CENPN: variants seen among roughly 807,000 people sequenced by gnomAD.
CENPN encodes the protein centromere protein N, also known as interphase centromere complex protein 32.
In CENPN, 36 loss-of-function variants were observed where a neutral mutation model predicts 48.6. The ratio of observed to expected loss-of-function variants is 0.74; its 90% CI spans 0.57 to 0.98. The LOEUF is 0.98. Ranked by LOEUF, CENPN falls within the 50% of genes least tolerant of loss-of-function variation. CENPN has a pLI of 0.00. For missense variants in CENPN, 439 were observed against 399.2 expected, an observed-to-expected ratio of 1.10 and a Z score of -0.85; for synonymous variants, 166 against 135.2, an observed-to-expected ratio of 1.23 and a Z score of -1.58.
At chr16:81,017,894 A>G in intron 5 of CENPN, 60 bp downstream of exon 5, 1 of 972,240 alleles carries the variant, frequency 1.0e-6, no homozygotes, top group Non-Finnish European at 1.6e-6. Context: ...TGCACTTAAA[A>G]TTTGCTACTA....
chr16:81,028,578 A>G lies in CENPN; in HGVS notation c.947A>G (p.Asp316Gly), dbSNP rs1480761768. ...LKSLAPAGIA[D>G]APLSPLLTCI... ...TTTTTTTTAATTTCAGGTATTGCAGATGCTCCACTTTCTCCACTGCTCACT... is the reference window on the plus strand; with the variant it reads ...TTTTTTTTAATTTCAGGTATTGCAGGTGCTCCACTTTCTCCACTGCTCACT... The change falls in exon 11 of 11, where the codon GAT becomes GGT. Residue 316 changes from aspartate (D) to glycine (G), a missense_variant. Asp to Gly is a moderately conservative substitution (Grantham distance 94, BLOSUM62 -1). Transcript: ENST00000305850. The G allele has an allele frequency of 5.0e-6, 8 of 1,600,886 alleles. No individual in the cohort carries two copies. The highest frequency in any genetic ancestry group is 6.0e-6 in the Non-Finnish European group (7 of 1,173,540).
chr16:81,024,703 T>C lies in CENPN; in HGVS notation c.634-12T>C, dbSNP rs1970382151. 1.3e-6 allele frequency: 2 copies of C among 1,587,784 alleles called. No homozygotes were observed. The highest frequency in any genetic ancestry group is 2.3e-5 in the South Asian group (2 of 87,468). On this transcript the variant is annotated splice_polypyrimidine_tract_variant and intron_variant, in intron 7 of 10. Transcript: ENST00000305850. The stretch of plus-strand genomic sequence containing the variant: ...GTCAAGATTAGTAAAATATTCACTT[T>C]TTTTTCCCTAGACCTTTGAAACTCA...
At chr16:81,025,504 A>T (rs914882338) in intron 8 of CENPN, among the ~76,000 whole-genome samples, 2 of 151,444 alleles carry the variant, frequency 1.3e-5, no homozygotes, top group Admixed American at 1.3e-4. Context: ...TGTTGATCTC[A>T]TCTTAGGTAA....
chr16:81,032,838 C>G (rs539039685), downstream of CENPN: 58 of 885,666 alleles, frequency 6.5e-5, 1 homozygote, highest in South Asian at 8.0e-4. Flanking sequence ...ATCTTGGAAG[C>G]TTGGATGTGC....
rs760588351 is a variant in CENPN at position 81,020,203 on chromosome 16, T to C, written c.458T>C (p.Val153Ala). ...KPNQYKPTYV[V>A]YYSQTPYAFT... ...AACCAGTACAAACCTACCTACGTGG[T>C]GTACTACTCCCAGACTCCGTACGCC... is the stretch of plus-strand genomic sequence containing the variant. The change falls in exon 6 of 11, where the codon GTG becomes GCG. Residue 153 changes from valine to alanine, a missense_variant. Transcript: ENST00000305850. The C allele has an allele frequency of 8.1e-6, 13 of 1,614,016 alleles. No individual in the cohort carries two copies. The highest frequency in any genetic ancestry group is 1.0e-5 in the Non-Finnish European group (12 of 1,180,008).
At chr16:81,025,238 G>C (rs867597615) in intron 8 of CENPN, among the ~76,000 whole-genome samples, 1 of 152,144 alleles carries the variant, frequency 6.6e-6, no homozygotes, top group Non-Finnish European at 1.5e-5. Flanking sequence ...CTCTTAATGC[G>C]CTGGATAAAC....
At chr16:81,032,745 T>A, downstream of CENPN, 1 of 1,555,966 alleles carries the variant, frequency 6.4e-7, no homozygotes, top group Non-Finnish European at 8.8e-7. Context: ...CAAATGTATG[T>A]CTCTCCTGAT....
At chr16:81,026,069 A>G (rs3112033) in intron 8 of CENPN, among the ~76,000 whole-genome samples, 113,601 of 136,798 alleles carry the variant, frequency 0.83, 47,196 homozygotes, top group Middle Eastern at 0.91. Context: ...ATATATATAT[A>G]TGTGTGTGTG....
intron 8 of CENPN, 33 bp downstream of exon 8, chr16:81,024,811 G>C (rs375476619): frequency 1.7e-4 from 229 of 1,347,820 alleles, no homozygotes; most frequent in Non-Finnish European, 2.2e-4. Flanking sequence ...CTGAATTTTG[G>C]AAATGCATCA....
At chr16:81,025,344 A>C (rs563005605) in intron 8 of CENPN, among the ~76,000 whole-genome samples, 6 of 152,364 alleles carry the variant, frequency 3.9e-5, no homozygotes, top group African/African-American at 1.4e-4. Flanking sequence ...GAACTACTAA[A>C]GTAAATTTAC....
rs371948167 is a variant in CENPN at position 81,029,893 on chromosome 16, T to G, written c.*1242T>G. ...TTCTCATGCTGCTAATAAAGATACC[T>G]AAGACTGGGTAATTCACAAAGGAAA... is the stretch of plus-strand genomic sequence containing the variant. On this transcript the variant is annotated 3_prime_UTR_variant, in exon 11 of 11. Coordinates refer to ENST00000305850, the MANE Select transcript of CENPN (RefSeq NM_001100624.3). Among the ~76,000 whole-genome samples, 3 of 152,282 alleles carry G rather than the reference T, an allele frequency of 2.0e-5. No individual in the cohort carries two copies. The South Asian group carries it at 6.2e-4, about 32-fold the overall frequency.
rs558476841 is a variant in CENPN at position 81,026,069 on chromosome 16, A to ATATG, written c.698-456_698-455insATGT. 9.4e-3 allele frequency among the ~76,000 whole-genome samples: 1,280 copies of ATATG among 136,682 alleles called. 24 individuals carry two copies. The highest frequency in any genetic ancestry group is 0.054 in the East Asian group (254 of 4,746). The allele number at this position is 136,682 out of a possible 152,430, so 89.7% of individuals were successfully genotyped here. ...GCCATGGAGATATATATATATATAT[A>ATATG]TGTGTGTGTGTGTGTGTGTGTATAT... On this transcript the variant is annotated intron_variant, in intron 8 of 10. Transcript: ENST00000305850.
At position 81,029,186 on chromosome 16, in the gene CENPN, G is replaced by T. The variant is rs117167180; in HGVS notation, c.*535G>T. 1.9e-4 allele frequency: 184 copies of T among 972,874 alleles called. No individual in the cohort carries two copies. In the East Asian group the frequency reaches 0.017, roughly 89 times the overall value. 60.3% of individuals were successfully genotyped at this position (972,874 alleles called of 1,614,324 possible). A position where few individuals can be genotyped will look rare whatever the true frequency, so the allele number is the denominator to read the frequency against. Reference sequence around the variant, plus strand: ...ATTGTTGCAAGAGGTTGCATATTTGGTGAGTCAGTTATATAAAATAGTGTT... The same window carrying T: ...ATTGTTGCAAGAGGTTGCATATTTGTTGAGTCAGTTATATAAAATAGTGTT... On this transcript the variant is annotated 3_prime_UTR_variant, in exon 11 of 11. Coordinates refer to ENST00000305850, the MANE Select transcript of CENPN (RefSeq NM_001100624.3).
intron 2 of CENPN, among the ~76,000 whole-genome samples, chr16:81,012,336 A>G (rs1443528852): frequency 1.3e-5 from 2 of 152,154 alleles, no homozygotes; most frequent in African/African-American, 4.8e-5. Context: ...ATATAGTAGA[A>G]AAAACAGTAC....
chr16:81,025,546 A>T (rs1340904989), intron 8 of CENPN, among the ~76,000 whole-genome samples: 4 of 152,102 alleles, frequency 2.6e-5, no homozygotes, highest in Admixed American at 6.6e-5. Context: ...TGTGTATCTT[A>T]CGATTCCAGT....
In CENPN at chr16:81,014,380, G is replaced by C. The variant is rs1207598245; in HGVS notation, c.217+199G>C. 2.3e-5 allele frequency: 13 copies of C among 558,336 alleles called. No homozygotes were observed. In the South Asian group the frequency reaches 2.9e-4, roughly 12 times the overall value. The allele number at this position is 558,336 out of a possible 1,614,324, so 34.6% of individuals were successfully genotyped here. A position where few individuals can be genotyped will look rare whatever the true frequency, so the allele number is the denominator to read the frequency against. ...CTCCCGAGTAGCTGGGACTATAGCA[G>C]TGCACCACCATGTATGGCTAATTTT... is the stretch of plus-strand genomic sequence containing the variant. On this transcript the variant is annotated intron_variant, in intron 3 of 10. Coordinates refer to ENST00000305850, the MANE Select transcript of CENPN (RefSeq NM_001100624.3).
chr16:81,026,778 A>T, intron 9 of CENPN, 140 bp downstream of exon 9: 1 of 458,652 alleles, frequency 2.2e-6, no homozygotes. Flanking sequence ...TTATGAATTA[A>T]ATAGACCTCT....
At chr16:81,020,004 G>C in intron 5 of CENPN, 96 bp from the exon 6 acceptor site, 1 of 1,011,860 alleles carries the variant, frequency 9.9e-7, no homozygotes, top group Non-Finnish European at 1.4e-6. Context: ...CAAGAGTATA[G>C]GGACATCATT....
chr16:81,017,205 G>A (rs1378833711), intron 3 of CENPN, 121 bp from the exon 4 acceptor site: 9 of 690,044 alleles, frequency 1.3e-5, no homozygotes, highest in Non-Finnish European at 2.0e-5. Context: ...ATACAAATCT[G>A]TATAACTCAA....
Sources: gnomAD v4.1 joint callset for allele counts (sites outside exome capture counted in the v4.1 genomes callset) on GRCh38, gnomAD v4.1.1 for gene constraint, MANE v1.5 for transcripts, NCBI Gene and HGNC (gene_info 2026-07-23, HGNC 2026-07-21) for gene names.